The following KCNH5 variants were observed in gnomAD, a reference collection of about 807,000 sequenced individuals.
KCNH5 encodes the protein voltage-gated delayed rectifier potassium channel KCNH5.
KCNH5 carries 46 observed loss-of-function variants against 96.1 expected under a neutral mutation model. The observed-to-expected ratio is 0.48, with a 90% CI of 0.38 to 0.61. The LOEUF (loss-of-function observed/expected upper bound fraction) is 0.61, where lower values mean the gene tolerates loss of function less well. KCNH5 is among the 20% of genes least tolerant of loss of function. The pLI is 0.00. For synonymous variants in KCNH5, 439 were observed against 449.8 expected, an observed-to-expected ratio of 0.98 and a Z score of 0.30; for missense variants, 907 against 1,225.8, an observed-to-expected ratio of 0.74 and a Z score of 3.88.
chr14:62,768,834 T>C (rs145035652), intron 10 of KCNH5, among the ~76,000 whole-genome samples: 1,761 of 152,328 alleles, frequency 0.012, 32 homozygotes, highest in African/African-American at 0.04. Flanking sequence ...CTTGTGAAAC[T>C]GTCCTTGAAT....
At chr14:62,802,740 C>T (rs1266162288) in intron 8 of KCNH5, among the ~76,000 whole-genome samples, 159 bp from the exon 9 acceptor site, 3 of 152,178 alleles carry the variant, frequency 2.0e-5, no homozygotes, top group East Asian at 1.9e-4. Flanking sequence ...GACACAGCTC[C>T]GCTCTCAAGG....
At chr14:62,860,271 T>C (rs893594441) in intron 7 of KCNH5, among the ~76,000 whole-genome samples, 12 of 152,184 alleles carry the variant, frequency 7.9e-5, no homozygotes, top group Non-Finnish European at 1.6e-4. Context: ...TATGGGGGCC[T>C]GCCAAAGGCT....
At chr14:62,917,456 C>T (rs1429572310) in intron 7 of KCNH5, among the ~76,000 whole-genome samples, 1 of 151,904 alleles carries the variant, frequency 6.6e-6, no homozygotes, top group African/African-American at 2.4e-5. Context: ...AACTGAAATC[C>T]ATATACCTCT....
At chr14:62,818,886 A>G (rs1410094410) in intron 8 of KCNH5, among the ~76,000 whole-genome samples, 1 of 152,208 alleles carries the variant, frequency 6.6e-6, no homozygotes, top group Non-Finnish European at 1.5e-5. Flanking sequence ...ACAGGAAACA[A>G]CCTAAATGCT....
At chr14:62,966,965 C>T (rs2139551479) in intron 6 of KCNH5, among the ~76,000 whole-genome samples, 1 of 152,250 alleles carries the variant, frequency 6.6e-6, no homozygotes, top group South Asian at 2.1e-4. Context: ...TTCCCTTTTA[C>T]CGTGGTAAGC....
At chr14:62,946,731 C>A (rs1348100041) in intron 7 of KCNH5, among the ~76,000 whole-genome samples, 1 of 151,942 alleles carries the variant, frequency 6.6e-6, no homozygotes, top group Non-Finnish European at 1.5e-5. Flanking sequence ...TGAACTACTA[C>A]TCAGCAATAA....
Position 62,855,894 on chromosome 14 carries a change from A to G in KCNH5, c.1370-6042T>C, listed in dbSNP as rs528031535. ...ATTTATTTGACACCTATTATATGCC[A>G]GCCACTATACCAACCTCTGGGAACA... On this transcript the variant is annotated intron_variant, in intron 7 of 10. Transcript: ENST00000322893. Among the ~76,000 whole-genome samples the G allele has an allele frequency of 8.5e-4, 129 of 152,210 alleles. 3 individuals carry two copies. In the South Asian group the frequency reaches 0.026, roughly 30 times the overall value.
At chr14:63,040,262 C>T (rs1378632593) in intron 1 of KCNH5, among the ~76,000 whole-genome samples, 1 of 152,080 alleles carries the variant, frequency 6.6e-6, no homozygotes, top group Non-Finnish European at 1.5e-5. Flanking sequence ...GGATGTCTTA[C>T]ACATCCTACT....
intron 7 of KCNH5, among the ~76,000 whole-genome samples, chr14:62,870,222 G>A (rs753256028): frequency 1.3e-5 from 2 of 152,112 alleles, no homozygotes; most frequent in African/African-American, 2.4e-5. Flanking sequence ...TGGTTTCTTT[G>A]ACACACATAC....
At chr14:62,902,049 G>A (rs538402601) in intron 7 of KCNH5, among the ~76,000 whole-genome samples, 1 of 152,124 alleles carries the variant, frequency 6.6e-6, no homozygotes, top group Non-Finnish European at 1.5e-5. Context: ...CATGTCCTTA[G>A]CCCATTTTAA....
In KCNH5 at chr14:62,707,686, G is replaced by T. The variant is rs562140660; in HGVS notation, c.2789C>A (p.Ala930Asp). 37 of 1,595,294 alleles carry T rather than the reference G, an allele frequency of 2.3e-5. 1 individual carries two copies. In the South Asian group the frequency reaches 3.9e-4, roughly 17 times the overall value. ...AATTTCTGCCACCTGCTTTTCTAGG[G>T]CAGTCATTCTGCAGCTGAGCAGCTG... ...DIQLLSCRMTALEKQVAEILK... is the reference protein window; with the variant it reads ...DIQLLSCRMTDLEKQVAEILK... Residue 930 changes from alanine (A) to aspartate (D), a missense_variant, in exon 11 of 11, where the codon GCC (alanine) becomes GAC (aspartate). Physicochemically the swap from Ala to Asp is moderately radical, Grantham distance 126. Around this residue, in one of 6 missense-constraint regions of KCNH5, gnomAD observed 362 missense variants for 394.4 expected, o/e 0.92. Transcript: ENST00000322893.
chr14:63,032,118 C>T (rs991621460), intron 1 of KCNH5, among the ~76,000 whole-genome samples: 1 of 142,344 alleles, frequency 7.0e-6, no homozygotes, highest in Non-Finnish European at 1.5e-5. Flanking sequence ...AAAAAAAAAA[C>T]TTTCACTAAT....
chr14:62,875,441 A>G (rs954736270), intron 7 of KCNH5, among the ~76,000 whole-genome samples: 1 of 152,236 alleles, frequency 6.6e-6, no homozygotes, highest in African/African-American at 2.4e-5. Context: ...ACTTCAAACT[A>G]TACTACTAGG....
intron 7 of KCNH5, among the ~76,000 whole-genome samples, chr14:62,910,591 C>T (rs980338181): frequency 2.2e-4 from 33 of 152,136 alleles, no homozygotes; most frequent in African/African-American, 7.7e-4. Context: ...TTGGAAAGAA[C>T]ATAAAATAGA....
intron 9 of KCNH5, among the ~76,000 whole-genome samples, chr14:62,798,232 TAGAG>T (rs1886580080): frequency 1.3e-5 from 2 of 152,172 alleles, no homozygotes. Context: ...AAGACTTAGA[TAGAG>T]ATTGTCTTAG....
intron 7 of KCNH5, among the ~76,000 whole-genome samples, chr14:62,913,725 A>C (rs1339908246): frequency 6.6e-6 from 1 of 152,302 alleles, no homozygotes; most frequent in Non-Finnish European, 1.5e-5. Flanking sequence ...ATACTAGAAG[A>C]AGCATTGTTT....
chr14:62,834,488 A>G (rs1347960761), intron 8 of KCNH5, among the ~76,000 whole-genome samples: 2 of 152,176 alleles, frequency 1.3e-5, no homozygotes, highest in African/African-American at 2.4e-5. Flanking sequence ...CAAAGAATAT[A>G]TAAGTGAACT....
At chr14:62,867,477 A>G (rs1053264040) in intron 7 of KCNH5, among the ~76,000 whole-genome samples, 1 of 152,176 alleles carries the variant, frequency 6.6e-6, no homozygotes, top group African/African-American at 2.4e-5. Context: ...CCAAAAAATC[A>G]TAATTATGAC....
intron 1 of KCNH5, among the ~76,000 whole-genome samples, chr14:63,033,095 T>C (rs780151727): frequency 6.6e-6 from 1 of 152,112 alleles, no homozygotes; most frequent in Non-Finnish European, 1.5e-5. Context: ...CAGACCACCA[T>C]CATATCTTGC....
Sources: gnomAD v4.1 joint callset for allele counts (sites outside exome capture counted in the v4.1 genomes callset) on GRCh38, gnomAD v4.1.1 for gene constraint, gnomAD v4.1.1 regional missense constraint, MANE v1.5 for transcripts, NCBI Gene and HGNC (gene_info 2026-07-23, HGNC 2026-07-21) for gene names.